The following FSTL4 variants were observed in gnomAD, a reference collection of about 807,000 sequenced individuals.
FSTL4 encodes the protein follistatin like 4.
A neutral mutation model predicts 78.2 loss-of-function variants in FSTL4; 28 were observed. The observed-to-expected ratio is 0.36, with a 90% CI of 0.27 to 0.49. The LOEUF (loss-of-function observed/expected upper bound fraction) is 0.49, where lower values mean the gene tolerates loss of function less well. FSTL4 is among the 20% of genes least tolerant of loss of function. FSTL4 has a pLI of 0.98. For synonymous variants in FSTL4, 422 were observed against 440.5 expected (o/e 0.96, Z 0.53); for missense variants, 922 against 1,084.9 (o/e 0.85, Z 2.11).
the FSTL4 span, among the ~76,000 whole-genome samples, chr5:133,707,769 G>A: frequency 6.6e-6 from 1 of 152,016 alleles, no homozygotes; most frequent in African/African-American, 2.4e-5. Context: ...CACCAGGCTA[G>A]AGCAGCTCTC....
chr5:133,836,646 T>G, the FSTL4 span, among the ~76,000 whole-genome samples: 1 of 152,156 alleles, frequency 6.6e-6, no homozygotes, highest in Non-Finnish European at 1.5e-5. Flanking sequence ...GTTCCTTTTT[T>G]TTTTTAGGGT....
At chr5:133,813,183 C>T in the FSTL4 span, among the ~76,000 whole-genome samples, 4 of 152,020 alleles carry the variant, frequency 2.6e-5, no homozygotes, top group Admixed American at 2.0e-4. Context: ...ATGAAAGCCA[C>T]GTATGTAGCT....
At chr5:133,795,108 T>G in the FSTL4 span, among the ~76,000 whole-genome samples, 1 of 152,220 alleles carries the variant, frequency 6.6e-6, no homozygotes, top group African/African-American at 2.4e-5. Flanking sequence ...TGATTGGGGA[T>G]GGGACAGATG....
intron 4 of FSTL4, among the ~76,000 whole-genome samples, chr5:133,319,055 G>T (rs1210623785): frequency 6.6e-6 from 1 of 152,204 alleles, no homozygotes; most frequent in Non-Finnish European, 1.5e-5. Flanking sequence ...ACTGGCAGGT[G>T]GGGGAAACCA....
chr5:133,750,469 G>GC, the FSTL4 span, among the ~76,000 whole-genome samples: 1 of 151,904 alleles, frequency 6.6e-6, no homozygotes. Flanking sequence ...CACAGCCCAG[G>GC]CCCCCCAGGG....
chr5:133,543,681 ATGTT>A (rs991154357), intron 3 of FSTL4, among the ~76,000 whole-genome samples: 5 of 151,674 alleles, frequency 3.3e-5, no homozygotes, highest in South Asian at 2.1e-4. Flanking sequence ...TATTTTAGAT[ATGTT>A]TGTTTGTTTG....
chr5:133,541,394 G>T lies in FSTL4; in HGVS notation c.160+25792C>A, dbSNP rs893599621. 2.0e-5 allele frequency among the ~76,000 whole-genome samples: 3 copies of T among 152,220 alleles called. No individual in the cohort carries two copies. The South Asian group carries it at 6.2e-4, about 32-fold the overall frequency. On this transcript the variant is annotated intron_variant, in intron 3 of 15. Coordinates refer to ENST00000265342, the MANE Select transcript of FSTL4 (RefSeq NM_015082.2). ...TCAGGACAGTTAGACAGTTGACATG[G>T]TGGCTTAGGCTCCAGCATGAGTGTT...
At chr5:133,392,551 G>A (rs1255380811) in intron 4 of FSTL4, among the ~76,000 whole-genome samples, 3 of 152,204 alleles carry the variant, frequency 2.0e-5, no homozygotes, top group Non-Finnish European at 2.9e-5. Context: ...CAGGACAGGA[G>A]CTAGGTGCAG....
the FSTL4 span, among the ~76,000 whole-genome samples, chr5:133,641,814 C>T: frequency 6.6e-6 from 1 of 151,764 alleles, no homozygotes; most frequent in African/African-American, 2.4e-5. Flanking sequence ...TCCTCCTCTT[C>T]CTCCTCCTCC....
At chr5:133,638,337 G>A in the FSTL4 span, among the ~76,000 whole-genome samples, 1 of 152,112 alleles carries the variant, frequency 6.6e-6, no homozygotes, top group East Asian at 1.9e-4. Flanking sequence ...ATAGCTGTTG[G>A]ATCACAGCAC....
At chr5:133,202,866 T>C (rs1359940001) in intron 14 of FSTL4, 1 of 152,332 alleles carries the variant, frequency 6.6e-6, no homozygotes, top group Non-Finnish European at 1.5e-5. Context: ...CAAGAGCCTT[T>C]CCCTGGTGTG....
At chr5:133,803,939 A>G in the FSTL4 span, among the ~76,000 whole-genome samples, 208 of 152,300 alleles carry the variant, frequency 1.4e-3, no homozygotes, top group African/African-American at 4.9e-3. Flanking sequence ...GGAAGCTATG[A>G]GCCAATGAGT....
At chr5:133,825,362 G>A in the FSTL4 span, among the ~76,000 whole-genome samples, 4 of 152,218 alleles carry the variant, frequency 2.6e-5, no homozygotes, top group Non-Finnish European at 5.9e-5. Context: ...TCATTTCAAA[G>A]TGTTTCTCAA....
the FSTL4 span, among the ~76,000 whole-genome samples, chr5:133,780,944 C>T: frequency 6.6e-6 from 1 of 152,198 alleles, no homozygotes; most frequent in Non-Finnish European, 1.5e-5. Flanking sequence ...CAGAGAGGTT[C>T]CATGACTGAG....
At position 133,210,240 on chromosome 5, in the gene FSTL4, A is replaced by G. The variant is rs745409033; in HGVS notation, c.1667T>C (p.Val556Ala). The G allele has an allele frequency of 6.2e-7, 1 of 1,613,308 alleles. No homozygotes were observed. The highest frequency in any genetic ancestry group is 8.5e-7 in the Non-Finnish European group (1 of 1,179,428). Residue 556 changes from valine to alanine, a missense_variant, in exon 14 of 16, where the codon GTG becomes GCG. Val to Ala is a moderately conservative substitution (Grantham distance 64). Coordinates refer to ENST00000265342, the MANE Select transcript of FSTL4 (RefSeq NM_015082.2). ...CACGTCCCCCCAGCTCAGGACCCAC[A>G]CTTGGTCATGTGACTTGTCATAGGA... is the stretch of plus-strand genomic sequence containing the variant. Reference protein sequence around the residue: ...KLSYDKSHDQVWVLSWGDVHK... With the variant: ...KLSYDKSHDQAWVLSWGDVHK...
the FSTL4 span, among the ~76,000 whole-genome samples, chr5:133,719,637 C>T: frequency 1.4e-5 from 2 of 140,702 alleles, no homozygotes; most frequent in Non-Finnish European, 3.0e-5. Flanking sequence ...CACGCCATTG[C>T]ACTCCAGCCT....
the FSTL4 span, among the ~76,000 whole-genome samples, chr5:133,675,154 G>C: frequency 6.6e-6 from 1 of 152,108 alleles, no homozygotes; most frequent in Admixed American, 6.5e-5. Context: ...CATTTAAGTA[G>C]AGACCTGAGT....
intron 4 of FSTL4, among the ~76,000 whole-genome samples, chr5:133,391,722 G>A: frequency 6.6e-6 from 1 of 152,054 alleles, no homozygotes; most frequent in South Asian, 2.1e-4. Context: ...TGCAAACTTT[G>A]TATTGCCACT....
the FSTL4 span, among the ~76,000 whole-genome samples, chr5:133,686,582 G>A: frequency 6.6e-6 from 1 of 152,340 alleles, no homozygotes; most frequent in South Asian, 2.1e-4. Context: ...GCCCATGTCT[G>A]TGCAGAAGCT....
Sources: gnomAD v4.1 joint callset for allele counts (sites outside exome capture counted in the v4.1 genomes callset) on GRCh38, gnomAD v4.1.1 for gene constraint, MANE v1.5 for transcripts, NCBI Gene and HGNC (gene_info 2026-07-23, HGNC 2026-07-21) for gene names.